Variants in KAZN observed in about 807,000 individuals in gnomAD.
KAZN encodes kazrin, periplakin interacting protein.
Under a neutral mutation model 87.4 loss-of-function variants are expected in KAZN, and 40 were observed. That is an observed-to-expected ratio of 0.46 (90% confidence interval 0.36 to 0.60). KAZN has a LOEUF of 0.60. Among genes scored for constraint, KAZN ranks in the 20% least tolerant of loss-of-function variants. The pLI is 0.00. For synonymous variants in KAZN, 466 were observed against 458.3 expected (o/e 1.02, Z -0.22); for missense variants, 898 against 1,073.9 (o/e 0.84, Z 2.29).
At chr1:14,655,719 C>T (rs1313291990) in intron 1 of KAZN, among the ~76,000 whole-genome samples, 2 of 152,170 alleles carry the variant, frequency 1.3e-5, no homozygotes, top group African/African-American at 4.8e-5. Context: ...AAGGAAAAGC[C>T]TCTCGAACTT....
chr1:14,043,597 C>T (rs1641931469), intron 1 of KAZN, among the ~76,000 whole-genome samples: 1 of 135,500 alleles, frequency 7.4e-6, no homozygotes, highest in Non-Finnish European at 1.5e-5. Context: ...CCCTCTCCAA[C>T]ACTTGTTATT....
intron 1 of KAZN, among the ~76,000 whole-genome samples, chr1:14,854,519 G>A (rs1241046695): frequency 4.6e-5 from 7 of 152,154 alleles, no homozygotes; most frequent in Admixed American, 2.6e-4. Flanking sequence ...AAGGTCAAAG[G>A]GGATGCAGAC....
chr1:14,993,641 T>G (rs1021129417), intron 2 of KAZN, among the ~76,000 whole-genome samples: 3 of 152,088 alleles, frequency 2.0e-5, no homozygotes, highest in African/African-American at 7.2e-5. Context: ...GACTCTCGTC[T>G]GGGAGGGGGG....
At chr1:14,425,026 G>C (rs1229233591) in intron 2 of KAZN, among the ~76,000 whole-genome samples, 1 of 152,216 alleles carries the variant, frequency 6.6e-6, no homozygotes, top group African/African-American at 2.4e-5. Flanking sequence ...ACAAAACAGA[G>C]CTTGAAGATA....
At chr1:13,952,861 A>G (rs1237509795) in intron 1 of KAZN, among the ~76,000 whole-genome samples, 1 of 152,170 alleles carries the variant, frequency 6.6e-6, no homozygotes, top group Admixed American at 6.5e-5. Context: ...CTGGATCTCC[A>G]CTTAGTCGCC....
At chr1:14,841,155 C>T (rs139918786) in intron 1 of KAZN, among the ~76,000 whole-genome samples, 30 of 151,802 alleles carry the variant, frequency 2.0e-4, no homozygotes, top group African/African-American at 6.8e-4. Flanking sequence ...TGGTGGCTCA[C>T]GCTTGTAATC....
At chr1:14,629,253 GTTTA>G (rs1375137959) in intron 1 of KAZN, among the ~76,000 whole-genome samples, 1 of 152,178 alleles carries the variant, frequency 6.6e-6, no homozygotes, top group Non-Finnish European at 1.5e-5. Flanking sequence ...GTTGGCGTGT[GTTTA>G]TTTGTTAGTG....
At chr1:14,874,704 A>G (rs1652562906) in intron 1 of KAZN, among the ~76,000 whole-genome samples, 1 of 152,202 alleles carries the variant, frequency 6.6e-6, no homozygotes, top group South Asian at 2.1e-4. Flanking sequence ...CCAGCCCAGA[A>G]ATCCTGGTGT....
At chr1:13,984,178 T>G (rs1321758334) in intron 1 of KAZN, among the ~76,000 whole-genome samples, 1 of 152,096 alleles carries the variant, frequency 6.6e-6, no homozygotes, top group Non-Finnish European at 1.5e-5. Context: ...GCCCGGCTAA[T>G]TTTTTGTATT....
At chr1:14,157,793 C>A (rs1347869910) in intron 1 of KAZN, among the ~76,000 whole-genome samples, 1 of 152,182 alleles carries the variant, frequency 6.6e-6, no homozygotes, top group Non-Finnish European at 1.5e-5. Context: ...ACTCACACTT[C>A]TGCATGCTGG....
intron 1 of KAZN, among the ~76,000 whole-genome samples, chr1:14,863,989 T>G (rs1651162694): frequency 1.3e-5 from 2 of 152,186 alleles, no homozygotes; most frequent in Non-Finnish European, 2.9e-5. Flanking sequence ...CTCATGATTC[T>G]TTTCCTTCAT....
At chr1:14,153,995 G>C (rs1307739393) in intron 1 of KAZN, among the ~76,000 whole-genome samples, 1 of 152,060 alleles carries the variant, frequency 6.6e-6, no homozygotes, top group African/African-American at 2.4e-5. Context: ...TGGGTCTTTT[G>C]TGGTTACATA....
intron 1 of KAZN, among the ~76,000 whole-genome samples, chr1:14,690,884 G>T (rs965986804): frequency 5.3e-5 from 8 of 152,106 alleles, no homozygotes; most frequent in African/African-American, 1.9e-4. Context: ...GAGATACCTG[G>T]TTTTATTGTT....
At chr1:14,324,696 G>A (rs1206660368) in intron 2 of KAZN, among the ~76,000 whole-genome samples, 3 of 152,018 alleles carry the variant, frequency 2.0e-5, no homozygotes, top group Non-Finnish European at 4.4e-5. Context: ...ATCTCAACTC[G>A]CACTACTGTT....
At chr1:14,057,425 G>A (rs1444417442) in intron 1 of KAZN, among the ~76,000 whole-genome samples, 1 of 152,170 alleles carries the variant, frequency 6.6e-6, no homozygotes, top group African/African-American at 2.4e-5. Flanking sequence ...GAGCCACCAT[G>A]CCCAGCTATG....
At chr1:14,119,389 G>A (rs748545828) in intron 1 of KAZN, among the ~76,000 whole-genome samples, 2 of 152,154 alleles carry the variant, frequency 1.3e-5, no homozygotes, top group African/African-American at 2.4e-5. Flanking sequence ...CAGACAGTTC[G>A]CTGTTGGATG....
intron 1 of KAZN, among the ~76,000 whole-genome samples, chr1:13,980,507 A>C (rs1638607743): frequency 6.6e-6 from 1 of 152,220 alleles, no homozygotes; most frequent in African/African-American, 2.4e-5. Flanking sequence ...TTAAGATAAA[A>C]AGTATTACTG....
intron 1 of KAZN, among the ~76,000 whole-genome samples, chr1:13,915,100 CACACATGCATGTGTA>C (rs1639794661): frequency 6.6e-6 from 1 of 152,158 alleles, no homozygotes; most frequent in Non-Finnish European, 1.5e-5. Context: ...TGTAAATGTA[CACACATGCATGTGTA>C]TACGTGCAGT....
chr1:14,138,699 C>T (rs1011207354), intron 1 of KAZN, among the ~76,000 whole-genome samples: 2 of 152,214 alleles, frequency 1.3e-5, no homozygotes, highest in Non-Finnish European at 2.9e-5. Flanking sequence ...GCTCCCCCAT[C>T]GCACCATCTC....
Sources: allele counts gnomAD v4.1 joint callset (sites outside exome capture counted in the v4.1 genomes callset), GRCh38; gene constraint gnomAD v4.1.1; transcripts MANE v1.5; gene names NCBI Gene and HGNC (gene_info 2026-07-23, HGNC 2026-07-21).